Variants in RPAP2 observed in about 807,000 individuals in gnomAD.
RPAP2 encodes putative RNA polymerase II subunit B1 CTD phosphatase RPAP2.
A neutral mutation model predicts 73.1 loss-of-function variants in RPAP2; 52 were observed. That is an observed-to-expected ratio of 0.71 (90% CI 0.57 to 0.90). The LOEUF is 0.90. Ranked by LOEUF, RPAP2 falls within the 40% of genes least tolerant of loss-of-function variation. The pLI, the probability that RPAP2 is intolerant of heterozygous loss-of-function variation, is 0.00. For synonymous variants in RPAP2, 225 were observed against 242.1 expected (o/e 0.93, Z 0.65); for missense variants, 598 against 701.8 (o/e 0.85, Z 1.67).
Position 92,387,331 on chromosome 1 carries a change from T to A in RPAP2, c.*320T>A, listed in dbSNP as rs1219056946. Reference sequence around the variant, plus strand: ...ATGAATATTCAAGAAAATATAATGATCTCTACTTTTTCTGGATGATTTCCA... The same window carrying A: ...ATGAATATTCAAGAAAATATAATGAACTCTACTTTTTCTGGATGATTTCCA... On this transcript the variant is annotated 3_prime_UTR_variant, in exon 13 of 13. Transcript: ENST00000610020. The A allele has an allele frequency of 5.3e-6, 1 of 188,206 alleles. No homozygotes were observed. The highest frequency in any genetic ancestry group is 2.3e-5 in the African/African-American group (1 of 42,974). The allele number at this position is 188,206 out of a possible 1,614,324, so 11.7% of individuals were successfully genotyped here.
chr1:92,401,281 A>T lies in RPAP2; in HGVS notation c.*14270A>T, dbSNP rs1305342009. 6.6e-6 allele frequency: 1 copy of T among 152,134 alleles called. No individual in the cohort carries two copies. The highest frequency in any genetic ancestry group is 1.5e-5 in the Non-Finnish European group (1 of 68,022). The allele number at this position is 152,134 out of a possible 1,614,324, so 9.4% of individuals were successfully genotyped here. ...TTCAATAAAAGCAGCAAACACACATACTTTGCTTTCCTTGTGATTAATGCC... is the reference window on the plus strand; with the variant it reads ...TTCAATAAAAGCAGCAAACACACATTCTTTGCTTTCCTTGTGATTAATGCC... On this transcript the variant is annotated 3_prime_UTR_variant, in exon 13 of 13. Coordinates refer to ENST00000610020, the MANE Select transcript of RPAP2 (RefSeq NM_024813.3).
chr1:92,379,049 TG>T (rs926822556), intron 11 of RPAP2, among the ~76,000 whole-genome samples: 1 of 152,216 alleles, frequency 6.6e-6, no homozygotes, highest in African/African-American at 2.4e-5. Flanking sequence ...CCACCTCCTC[TG>T]GAAGTCCTGG....
rs35101382 is a variant in RPAP2 at position 92,330,439 on chromosome 1, A to ATTT, written c.1456-2927_1456-2925dup. 1.1e-3 allele frequency among the ~76,000 whole-genome samples: 66 copies of ATTT among 61,466 alleles called. 9 individuals carry two copies. Among genetic ancestry groups the ATTT allele is most frequent in the African/African-American group, 3.0e-3 (43 of 14,214 alleles). 40.3% of individuals were successfully genotyped at this position (61,466 alleles called of 152,430 possible). ...CTCTGATTTTCTTTGTGGGTTGTCA[A>ATTT]TTTTTTTTTTTTTTTTTTTTTTTTT... On this transcript the variant is annotated intron_variant, in intron 8 of 12. Coordinates refer to ENST00000610020, the MANE Select transcript of RPAP2 (RefSeq NM_024813.3).
intron 11 of RPAP2, among the ~76,000 whole-genome samples, chr1:92,351,430 T>C (rs1451203415): frequency 1.3e-5 from 2 of 151,764 alleles, no homozygotes; most frequent in African/African-American, 4.8e-5. Flanking sequence ...TTACCCACAA[T>C]ATAAGAAACC....
At chr1:92,310,653 T>C (rs1651537770) in intron 6 of RPAP2, among the ~76,000 whole-genome samples, 1 of 152,104 alleles carries the variant, frequency 6.6e-6, no homozygotes, top group Admixed American at 6.6e-5. Context: ...ATCCCAGCAT[T>C]TGGGAGGCCG....
Position 92,322,914 on chromosome 1 carries a change from A to AT in RPAP2, c.525-525dup, listed in dbSNP as rs201040579. Among the ~76,000 whole-genome samples the AT allele has an allele frequency of 2.7e-5, 4 of 147,598 alleles. No individual in the cohort carries two copies. In the South Asian group the frequency reaches 8.4e-4, roughly 31 times the overall value. On this transcript the variant is annotated intron_variant, in intron 7 of 12. Coordinates refer to ENST00000610020, the MANE Select transcript of RPAP2 (RefSeq NM_024813.3). ...TTTTATATTATTTTTCATATTATAT[A>AT]TTTTTTAAACTACATATATACTTTA... is the stretch of plus-strand genomic sequence containing the variant.
rs1178296060 is a variant in RPAP2, at chr1:92,387,330, AT to A, written c.*320del. 5.2e-6 allele frequency: 1 copy of A among 190,724 alleles called. No homozygotes were observed. Among genetic ancestry groups the A allele is most frequent in the African/African-American group, 2.3e-5 (1 of 43,042 alleles). 11.8% of individuals were successfully genotyped at this position (190,724 alleles called of 1,614,324 possible). Reference sequence around the variant, plus strand: ...AATGAATATTCAAGAAAATATAATGATCTCTACTTTTTCTGGATGATTTCCA... The same window carrying A: ...AATGAATATTCAAGAAAATATAATGACTCTACTTTTTCTGGATGATTTCCA... On this transcript the variant is annotated 3_prime_UTR_variant, in exon 13 of 13. Coordinates refer to ENST00000610020, the MANE Select transcript of RPAP2 (RefSeq NM_024813.3).
chr1:92,365,336 A>G (rs1654891869), intron 11 of RPAP2, among the ~76,000 whole-genome samples: 1 of 152,222 alleles, frequency 6.6e-6, no homozygotes, highest in African/African-American at 2.4e-5. Flanking sequence ...ACTTTAACAC[A>G]GCTTCACATC....
At chr1:92,328,573 T>G (rs1448183170) in intron 8 of RPAP2, among the ~76,000 whole-genome samples, 1 of 152,234 alleles carries the variant, frequency 6.6e-6, no homozygotes, top group Non-Finnish European at 1.5e-5. Context: ...TTGATTTCTT[T>G]AAGTTGGGCC....
chr1:92,302,589 A>ATTTTTTT (rs1557586485), intron 3 of RPAP2, among the ~76,000 whole-genome samples: 7 of 92,268 alleles, frequency 7.6e-5, no homozygotes, highest in Admixed American at 1.4e-4. Flanking sequence ...TTCCGCATTA[A>ATTTTTTT]ATTTTTTTTT....
At chr1:92,382,228 A>G (rs1012019312) in intron 12 of RPAP2, among the ~76,000 whole-genome samples, 1 of 152,230 alleles carries the variant, frequency 6.6e-6, no homozygotes, top group Admixed American at 6.5e-5. Context: ...CTCTATAAAC[A>G]TATGTGTGCA....
At chr1:92,351,463 A>G (rs1409641143) in intron 11 of RPAP2, among the ~76,000 whole-genome samples, 1 of 152,136 alleles carries the variant, frequency 6.6e-6, no homozygotes, top group African/African-American at 2.4e-5. Context: ...ATCACTTTTA[A>G]TCATGGTCAC....
Position 92,326,882 on chromosome 1 carries a change from A to C in RPAP2, c.1455+2507A>C, listed in dbSNP as rs1652663582. On this transcript the variant is annotated intron_variant, in intron 8 of 12. Transcript: ENST00000610020. ...ACTTGCCCCAGGCTACCAGCCTCTCACCTGTGAGAACAAGTAGGGCTTTCA... is the reference window on the plus strand; with the variant it reads ...ACTTGCCCCAGGCTACCAGCCTCTCCCCTGTGAGAACAAGTAGGGCTTTCA... 4.6e-5 allele frequency among the ~76,000 whole-genome samples: 7 copies of C among 152,170 alleles called. No homozygotes were observed. In the South Asian group the frequency reaches 1.2e-3, roughly 27 times the overall value.
At chr1:92,354,058 C>T (rs963135634) in intron 11 of RPAP2, among the ~76,000 whole-genome samples, 1 of 151,982 alleles carries the variant, frequency 6.6e-6, no homozygotes, top group Admixed American at 6.6e-5. Context: ...ATGTGCACTC[C>T]AACTTCACTA....
At position 92,392,636 on chromosome 1, in the gene RPAP2, C is replaced by A. The variant is rs1458262433; in HGVS notation, c.*5625C>A. On this transcript the variant is annotated 3_prime_UTR_variant, in exon 13 of 13. Coordinates refer to ENST00000610020, the MANE Select transcript of RPAP2 (RefSeq NM_024813.3). ...GACATGATTGTATATTTAGAAAACC[C>A]CATCGTCTCATCCCAAAATCTCCTT... 1 of 152,152 alleles carries A rather than the reference C, an allele frequency of 6.6e-6. No homozygotes were observed. Among genetic ancestry groups the A allele is most frequent in the East Asian group, 1.9e-4 (1 of 5,200 alleles). 9.4% of individuals were successfully genotyped at this position (152,152 alleles called of 1,614,324 possible). A position where few individuals can be genotyped will look rare whatever the true frequency, so the allele number is the denominator to read the frequency against.
intron 11 of RPAP2, among the ~76,000 whole-genome samples, chr1:92,367,437 T>C (rs1332862666): frequency 1.3e-5 from 2 of 152,232 alleles, no homozygotes; most frequent in Non-Finnish European, 2.9e-5. Flanking sequence ...ATAGTGCCTG[T>C]GCATGTACAC....
chr1:92,353,234 G>A (rs1334839137), intron 11 of RPAP2, among the ~76,000 whole-genome samples: 1 of 152,132 alleles, frequency 6.6e-6, no homozygotes, highest in Non-Finnish European at 1.5e-5. Flanking sequence ...TGGGTCATAT[G>A]ATAACTCTGT....
chr1:92,309,287 C>A (rs1314588690), intron 6 of RPAP2, among the ~76,000 whole-genome samples: 1 of 151,906 alleles, frequency 6.6e-6, no homozygotes, highest in African/African-American at 2.4e-5. Flanking sequence ...ACTAAAAATA[C>A]AAAAATTAGC....
At chr1:92,351,091 G>A (rs576705504) in intron 11 of RPAP2, among the ~76,000 whole-genome samples, 9 of 151,920 alleles carry the variant, frequency 5.9e-5, no homozygotes, top group Admixed American at 1.3e-4. Context: ...GGTGGATCAC[G>A]AAGTCAGAAG....
Sources: gnomAD v4.1 joint callset for allele counts (sites outside exome capture counted in the v4.1 genomes callset) on GRCh38, gnomAD v4.1.1 for gene constraint, MANE v1.5 for transcripts, NCBI Gene and HGNC (gene_info 2026-07-23, HGNC 2026-07-21) for gene names.